Variants in ZNF292 observed in about 807,000 individuals in gnomAD.
The protein encoded by ZNF292 is 16 zinc-finger domain protein.
A neutral mutation model predicts 217.9 loss-of-function variants in ZNF292; 26 were observed. The ratio of observed to expected loss-of-function variants is 0.12; its 90% confidence interval spans 0.09 to 0.17. ZNF292 has a LOEUF of 0.17. Ranked by LOEUF, ZNF292 falls within the 10% of genes least tolerant of loss-of-function variation. The probability of loss-of-function intolerance (pLI) is 1.00; values close to 1 mark genes in which losing one functional copy is unlikely to be tolerated. For missense variants in ZNF292, 2,904 were observed against 3,175.2 expected (o/e 0.91, Z 2.05); for synonymous variants, 1,257 against 1,124.1 (o/e 1.12, Z -2.37).
At chr6:87,176,511 A>G (rs981076465) in intron 1 of ZNF292, among the ~76,000 whole-genome samples, 1 of 152,186 alleles carries the variant, frequency 6.6e-6, no homozygotes, top group Non-Finnish European at 1.5e-5. Context: ...GGCCTGTTTC[A>G]GGGGAGAAGG....
At chr6:87,225,735 C>T (rs966416219) in intron 4 of ZNF292, among the ~76,000 whole-genome samples, 1 of 152,108 alleles carries the variant, frequency 6.6e-6, no homozygotes, top group African/African-American at 2.4e-5. Flanking sequence ...TTACATTTTG[C>T]CATCTGTTTT....
chr6:87,177,559 A>T (rs1019999471), intron 1 of ZNF292, among the ~76,000 whole-genome samples: 2 of 152,136 alleles, frequency 1.3e-5, no homozygotes, highest in Admixed American at 1.3e-4. Context: ...CTTCTTTTTA[A>T]ATCTGTCTTC....
intron 7 of ZNF292, among the ~76,000 whole-genome samples, chr6:87,247,323 C>G (rs1340548060): frequency 6.7e-6 from 1 of 150,344 alleles, no homozygotes; most frequent in African/African-American, 2.5e-5. Context: ...ACAATCACTA[C>G]ATGAAGCTGG....
intron 7 of ZNF292, among the ~76,000 whole-genome samples, chr6:87,249,047 G>C (rs1774754367): frequency 6.6e-6 from 1 of 152,206 alleles, no homozygotes; most frequent in Non-Finnish European, 1.5e-5. Context: ...TTCAGAATTA[G>C]AGTATATAAA....
chr6:87,179,939 T>G (rs1771420846), intron 1 of ZNF292, among the ~76,000 whole-genome samples: 1 of 152,224 alleles, frequency 6.6e-6, no homozygotes, highest in Admixed American at 6.5e-5. Context: ...CTGCCATGTT[T>G]TATTCTTTAT....
chr6:87,257,045 G>T lies in ZNF292; in HGVS notation c.3416G>T (p.Gly1139Val). 6.2e-7 allele frequency: 1 copy of T among 1,613,780 alleles called. No individual in the cohort carries two copies. Among genetic ancestry groups the T allele is most frequent in the Admixed American group, 1.7e-5 (1 of 59,934 alleles). ...AFKMQRKSKK[G>V]QKANNLNTPN... ...AAAATGCAGCGCAAAAGTAAAAAAG[G>T]TCAGAAAGCTAACAACTTAAATACA... Residue 1139 changes from glycine (G) to valine (V), a missense_variant, in exon 8 of 8, where the codon GGT (glycine) becomes GTT (valine). By Grantham distance (109) the Gly-to-Val change is moderately radical (BLOSUM62 -3). Around this residue, in one of 15 missense-constraint regions of ZNF292, gnomAD observed 687 missense variants for 623.0 expected, o/e 1.10. Transcript: ENST00000369577.
At position 87,231,998 on chromosome 6, in the gene ZNF292, A is replaced by G. The variant is rs16878725; in HGVS notation, c.539-1327A>G. On this transcript the variant is annotated intron_variant, in intron 4 of 7. Coordinates refer to ENST00000369577, the MANE Select transcript of ZNF292 (RefSeq NM_015021.3). Reference sequence around the variant, plus strand: ...GTAATTGTCCTAATAGGATAATGCAATATTAAAAAAGAAAAGTAATGCCCT... The same window carrying G: ...GTAATTGTCCTAATAGGATAATGCAGTATTAAAAAAGAAAAGTAATGCCCT... 7.1e-3 allele frequency among the ~76,000 whole-genome samples: 1,082 copies of G among 152,308 alleles called. 18 individuals are homozygous for G. Among genetic ancestry groups the G allele is most frequent in the African/African-American group, 0.024 (981 of 41,592 alleles).
chr6:87,217,187 A>G (rs1477697851), intron 3 of ZNF292, among the ~76,000 whole-genome samples: 2 of 152,064 alleles, frequency 1.3e-5, no homozygotes, highest in Non-Finnish European at 2.9e-5. Context: ...TTAAAGAGGT[A>G]TAGCCTTAAA....
intron 7 of ZNF292, among the ~76,000 whole-genome samples, chr6:87,247,760 A>G (rs567031860): frequency 6.6e-6 from 1 of 152,350 alleles, no homozygotes; most frequent in South Asian, 2.1e-4. Flanking sequence ...AATACTTTAA[A>G]TAATATAATT....
At position 87,263,776 on chromosome 6, in the gene ZNF292, C is replaced by T. The variant is rs1775725047; in HGVS notation, c.*1975C>T. 2.0e-5 allele frequency: 3 copies of T among 152,044 alleles called. No homozygotes were observed. In the South Asian group the frequency reaches 6.2e-4, roughly 32 times the overall value. 9.4% of individuals were successfully genotyped at this position (152,044 alleles called of 1,614,324 possible). ...AATTTTTGTTAACAACTGAATGTTT[C>T]CATACAGTTTTCTTAGAAATTGACC... is the stretch of plus-strand genomic sequence containing the variant. On this transcript the variant is annotated 3_prime_UTR_variant, in exon 8 of 8. Coordinates refer to ENST00000369577, the MANE Select transcript of ZNF292 (RefSeq NM_015021.3).
chr6:87,232,392 C>G (rs541390748), intron 4 of ZNF292, among the ~76,000 whole-genome samples: 1 of 152,066 alleles, frequency 6.6e-6, no homozygotes. Context: ...TGTTAACAAG[C>G]AGAGAAGATA....
chr6:87,196,560 C>T (rs967664702), intron 1 of ZNF292, among the ~76,000 whole-genome samples: 7 of 152,214 alleles, frequency 4.6e-5, no homozygotes, highest in African/African-American at 1.7e-4. Flanking sequence ...GCTTACTGAT[C>T]ATGATGCACA....
chr6:87,216,108 G>GAC (rs57115253), intron 2 of ZNF292, 51 bp downstream of exon 2: 1,144 of 515,478 alleles, frequency 2.2e-3, no homozygotes, highest in African/African-American at 3.0e-3. Flanking sequence ...AAAATACATA[G>GAC]ACACACACAC....
At chr6:87,228,503 C>A (rs1219556990) in intron 4 of ZNF292, among the ~76,000 whole-genome samples, 5 of 152,164 alleles carry the variant, frequency 3.3e-5, no homozygotes, top group Admixed American at 3.3e-4. Context: ...GAAATCATTG[C>A]CAGTCTATTG....
At position 87,261,338 on chromosome 6, in the gene ZNF292, C is replaced by G; in HGVS notation, c.7709C>G (p.Ala2570Gly). 1 of 1,613,314 alleles carries G rather than the reference C, an allele frequency of 6.2e-7. No individual in the cohort carries two copies. The highest frequency in any genetic ancestry group is 8.5e-7 in the Non-Finnish European group (1 of 1,179,598). ...SVRKEEETAV[A>G]IQTIEEHPAS... The stretch of plus-strand genomic sequence containing the variant: ...CGTAAAGAAGAAGAAACTGCTGTTG[C>G]CATTCAAACCATTGAGGAGCATCCT... Residue 2570 changes from alanine (A) to glycine (G), a missense_variant, in exon 8 of 8, where the codon GCC (alanine) becomes GGC (glycine). Ala to Gly is a moderately conservative substitution (Grantham distance 60, BLOSUM62 0). Around this residue, in one of 15 missense-constraint regions of ZNF292, gnomAD observed 380 missense variants for 355.3 expected, o/e 1.07. Coordinates refer to ENST00000369577, the MANE Select transcript of ZNF292 (RefSeq NM_015021.3).
intron 7 of ZNF292, among the ~76,000 whole-genome samples, chr6:87,252,307 A>G (rs1774961317): frequency 6.6e-6 from 1 of 151,908 alleles, no homozygotes. Flanking sequence ...GCCCGCCACC[A>G]CGCCTGGCTA....
At chr6:87,162,083 A>G (rs1310259175) in intron 1 of ZNF292, among the ~76,000 whole-genome samples, 1 of 152,314 alleles carries the variant, frequency 6.6e-6, no homozygotes, top group East Asian at 1.9e-4. Context: ...TTAGGAGAGT[A>G]AGTTAATTTT....
At chr6:87,219,442 G>GT (rs1772965683) in intron 4 of ZNF292, among the ~76,000 whole-genome samples, 1 of 152,126 alleles carries the variant, frequency 6.6e-6, no homozygotes, top group Non-Finnish European at 1.5e-5. Context: ...ATTTACCACT[G>GT]TAAGCTTCTT....
chr6:87,193,446 G>A (rs1327277043), intron 1 of ZNF292, among the ~76,000 whole-genome samples: 2 of 151,964 alleles, frequency 1.3e-5, no homozygotes. Context: ...AGGCTGAGGT[G>A]GGAGGATTGC....
Sources: gnomAD v4.1 joint callset for allele counts (sites outside exome capture counted in the v4.1 genomes callset) on GRCh38, gnomAD v4.1.1 for gene constraint, gnomAD v4.1.1 regional missense constraint, MANE v1.5 for transcripts, NCBI Gene and HGNC (gene_info 2026-07-23, HGNC 2026-07-21) for gene names.